DCDC1: variants seen among roughly 807,000 people sequenced by gnomAD.
DCDC1 encodes the protein doublecortin domain containing 1.
DCDC1 carries 200 observed loss-of-function variants against 178.3 expected under a neutral mutation model. The observed-to-expected ratio is 1.12, with a 90% CI of 1.00 to 1.26. The LOEUF (loss-of-function observed/expected upper bound fraction) is 1.26. DCDC1 is among the 50% of genes most tolerant of loss of function. The pLI is 0.00. For synonymous variants in DCDC1, 690 were observed against 604.8 expected (o/e 1.14, Z -2.07); for missense variants, 1,983 against 1,749.2 (o/e 1.13, Z -2.38).
intron 20 of DCDC1, among the ~76,000 whole-genome samples, chr11:31,062,751 AT>A (rs1956006695): frequency 6.6e-6 from 1 of 151,898 alleles, no homozygotes; most frequent in Non-Finnish European, 1.5e-5. Context: ...GGAATATGTA[AT>A]TTAGTAATAT....
At chr11:31,333,726 T>C (rs912529474) in intron 2 of DCDC1, among the ~76,000 whole-genome samples, 1 of 152,200 alleles carries the variant, frequency 6.6e-6, no homozygotes, top group Admixed American at 6.5e-5. Flanking sequence ...TTCTGGTTTG[T>C]AGAGTTTCTG....
intron 21 of DCDC1, among the ~76,000 whole-genome samples, 153 bp downstream of exon 21, chr11:30,952,292 A>G (rs190267935): frequency 3.0e-4 from 46 of 152,362 alleles, no homozygotes; most frequent in Non-Finnish European, 6.8e-4. Context: ...AAACACATCT[A>G]ATTAATTGAT....
At chr11:30,929,608 G>A (rs557286324) in intron 22 of DCDC1, among the ~76,000 whole-genome samples, 1 of 152,104 alleles carries the variant, frequency 6.6e-6, no homozygotes, top group African/African-American at 2.4e-5. Context: ...CTCTACTAAG[G>A]AGCTCAAGTG....
intron 21 of DCDC1, among the ~76,000 whole-genome samples, chr11:30,935,678 T>A (rs1231027637): frequency 6.6e-6 from 1 of 152,016 alleles, no homozygotes; most frequent in African/African-American, 2.4e-5. Flanking sequence ...CTCAGCCTCC[T>A]GAGTAGCTGG....
intron 9 of DCDC1, among the ~76,000 whole-genome samples, chr11:31,211,252 A>T (rs890925778): frequency 6.6e-6 from 1 of 152,220 alleles, no homozygotes; most frequent in Admixed American, 6.5e-5. Context: ...ACAATATGTA[A>T]TAATTATGAT....
At chr11:31,186,546 A>T (rs1969517252) in intron 9 of DCDC1, among the ~76,000 whole-genome samples, 1 of 152,026 alleles carries the variant, frequency 6.6e-6, no homozygotes. Context: ...TGCCACTCAT[A>T]CTAGTTCCTC....
intron 9 of DCDC1, among the ~76,000 whole-genome samples, chr11:31,163,196 TAA>T (rs1966465083): frequency 6.6e-6 from 1 of 152,272 alleles, no homozygotes; most frequent in East Asian, 1.9e-4. Context: ...GAACCAAACT[TAA>T]GTCAATATTT....
intron 20 of DCDC1, among the ~76,000 whole-genome samples, chr11:30,978,779 A>ACACAC (rs1950231230): frequency 8.4e-6 from 1 of 118,980 alleles, no homozygotes; most frequent in African/African-American, 3.8e-5. Context: ...GTCCCCCCTC[A>ACACAC]ACACACACAC....
rs150432718 is a variant in DCDC1 at position 31,138,892 on chromosome 11, G to A, written c.1222-1108C>T. On this transcript the variant is annotated intron_variant, in intron 9 of 38. Coordinates refer to ENST00000684477, the MANE Select transcript of DCDC1 (RefSeq NM_001387274.1). ...ACTTCATCTGATGATATGAGACACA[G>A]CTAAGTATATCAGAGATTCCGTTTT... Among the ~76,000 whole-genome samples, 133 of 152,272 alleles carry A rather than the reference G, an allele frequency of 8.7e-4. 1 individual carries two copies. Among genetic ancestry groups the A allele is most frequent in the Middle Eastern group, 3.4e-3 (1 of 294 alleles).
At chr11:31,225,483 T>C (rs1370793887) in intron 9 of DCDC1, among the ~76,000 whole-genome samples, 6 of 151,678 alleles carry the variant, frequency 4.0e-5, no homozygotes, top group African/African-American at 1.5e-4. Context: ...CTTATCCATG[T>C]AACCAAAAGC....
chr11:30,978,612 A>G (rs113050134), intron 20 of DCDC1, among the ~76,000 whole-genome samples: 55 of 152,252 alleles, frequency 3.6e-4, no homozygotes, highest in African/African-American at 1.2e-3. Context: ...TATCATTTCT[A>G]TGTGTTGATA....
intron 1 of DCDC1, among the ~76,000 whole-genome samples, chr11:31,356,387 A>G (rs185097888): frequency 5.9e-5 from 9 of 152,198 alleles, no homozygotes; most frequent in Non-Finnish European, 1.2e-4. Flanking sequence ...TTTGAAACCA[A>G]CGAGAACAAA....
chr11:30,908,939 C>G lies in DCDC1; in HGVS notation c.3918+7G>C. The G allele has an allele frequency of 6.3e-7, 1 of 1,575,562 alleles. No individual in the cohort carries two copies. The highest frequency in any genetic ancestry group is 1.8e-5 in the Admixed American group (1 of 56,522). Reference sequence around the variant, plus strand: ...TCTTTTATCTTTGAGAGGAAGGAACCACTTACTGGTTGATCAATGTTTTCT... The same window carrying G: ...TCTTTTATCTTTGAGAGGAAGGAACGACTTACTGGTTGATCAATGTTTTCT... On this transcript the variant is annotated splice_region_variant and intron_variant, in intron 29 of 38. Transcript: ENST00000684477.
At chr11:31,010,261 A>G (rs746093945) in intron 20 of DCDC1, among the ~76,000 whole-genome samples, 2 of 152,218 alleles carry the variant, frequency 1.3e-5, no homozygotes, top group Admixed American at 6.5e-5. Context: ...CAAGGCAGCA[A>G]TCAAGACGTC....
intron 9 of DCDC1, among the ~76,000 whole-genome samples, chr11:31,167,997 G>A (rs1021241214): frequency 1.1e-4 from 16 of 152,150 alleles, no homozygotes; most frequent in African/African-American, 3.9e-4. Context: ...GGGTATGTGT[G>A]CACTCATAGG....
chr11:31,135,133 GA>G (rs1962968422), intron 10 of DCDC1, among the ~76,000 whole-genome samples: 1 of 152,210 alleles, frequency 6.6e-6, no homozygotes, highest in Non-Finnish European at 1.5e-5. Flanking sequence ...AAGATTTTAA[GA>G]TAAAACTGTA....
intron 16 of DCDC1, among the ~76,000 whole-genome samples, chr11:31,092,591 A>G (rs1957885069): frequency 6.6e-6 from 1 of 152,232 alleles, no homozygotes; most frequent in Non-Finnish European, 1.5e-5. Flanking sequence ...AGAGATTTCA[A>G]TTATTTAATA....
chr11:31,094,324 C>T (rs979420395), intron 15 of DCDC1, 140 bp from the exon 16 acceptor site: 4 of 612,896 alleles, frequency 6.5e-6, no homozygotes, highest in South Asian at 3.8e-5. Flanking sequence ...ATTCAATCCC[C>T]TTTAATTCAA....
intron 20 of DCDC1, among the ~76,000 whole-genome samples, chr11:30,961,775 A>C (rs563312891): frequency 9.2e-5 from 14 of 152,180 alleles, no homozygotes; most frequent in Admixed American, 9.2e-4. Context: ...AAAAATAAAT[A>C]TATAGATTGT....
Sources: gnomAD v4.1 joint callset for allele counts (sites outside exome capture counted in the v4.1 genomes callset) on GRCh38, gnomAD v4.1.1 for gene constraint, MANE v1.5 for transcripts, NCBI Gene and HGNC (gene_info 2026-07-23, HGNC 2026-07-21) for gene names.